CNTNAP5: variants seen among roughly 807,000 people sequenced by gnomAD.
The protein encoded by CNTNAP5 is contactin associated protein family member 5.
CNTNAP5 carries 72 observed loss-of-function variants against 150.2 expected under a neutral mutation model. That is an observed-to-expected ratio of 0.48 (90% CI 0.40 to 0.58). CNTNAP5 has a LOEUF of 0.58. CNTNAP5 is among the 20% of genes least tolerant of loss of function. The pLI is 0.00. For synonymous variants in CNTNAP5, 672 were observed against 619.8 expected (o/e 1.08, Z -1.25); for missense variants, 1,636 against 1,626.2 (o/e 1.01, Z -0.10).
chr2:124,047,499 A>G (rs1360875747), intron 1 of CNTNAP5, among the ~76,000 whole-genome samples: 1 of 152,244 alleles, frequency 6.6e-6, no homozygotes, highest in Non-Finnish European at 1.5e-5. Flanking sequence ...TGACCTGCAT[A>G]TTGTGTATAA....
chr2:124,297,926 C>A (rs1398406121), intron 3 of CNTNAP5, among the ~76,000 whole-genome samples: 8 of 151,486 alleles, frequency 5.3e-5, no homozygotes, highest in Non-Finnish European at 1.0e-4. Flanking sequence ...CTCACTGCAA[C>A]CTCCGCCTCC....
At chr2:124,627,923 A>C (rs1385753681) in intron 12 of CNTNAP5, among the ~76,000 whole-genome samples, 2 of 152,202 alleles carry the variant, frequency 1.3e-5, no homozygotes, top group Non-Finnish European at 2.9e-5. Flanking sequence ...TAATGCAAAC[A>C]CAAGTATCAA....
chr2:124,173,945 C>A (rs1198479766), intron 1 of CNTNAP5, among the ~76,000 whole-genome samples: 1 of 152,040 alleles, frequency 6.6e-6, no homozygotes, highest in Non-Finnish European at 1.5e-5. Flanking sequence ...AACATTGAAA[C>A]CAATGCTCAT....
intron 19 of CNTNAP5, among the ~76,000 whole-genome samples, chr2:124,807,032 G>T (rs765596498): frequency 1.3e-5 from 2 of 151,756 alleles, no homozygotes; most frequent in Non-Finnish European, 2.9e-5. Context: ...TCAGTGTGAA[G>T]AAGCTTTTCT....
At chr2:124,430,669 C>T (rs867967227) in intron 4 of CNTNAP5, among the ~76,000 whole-genome samples, 4 of 152,120 alleles carry the variant, frequency 2.6e-5, no homozygotes, top group African/African-American at 9.7e-5. Context: ...ACGTTAAAAA[C>T]TGTGTCAGGT....
At chr2:124,701,269 A>G (rs1679515476) in intron 13 of CNTNAP5, among the ~76,000 whole-genome samples, 1 of 152,116 alleles carries the variant, frequency 6.6e-6, no homozygotes, top group South Asian at 2.1e-4. Context: ...AAGTGAGATC[A>G]TGCAATAGTT....
intron 3 of CNTNAP5, among the ~76,000 whole-genome samples, chr2:124,285,529 G>A (rs1021641496): frequency 1.3e-5 from 2 of 152,042 alleles, no homozygotes; most frequent in African/African-American, 4.8e-5. Flanking sequence ...GCCTGGTGTG[G>A]TGGCTCACGC....
intron 13 of CNTNAP5, among the ~76,000 whole-genome samples, chr2:124,703,617 A>G (rs1468459110): frequency 6.6e-5 from 10 of 152,186 alleles, no homozygotes; most frequent in Admixed American, 6.5e-4. Flanking sequence ...TGCGATGGCT[A>G]GTTTGAATAT....
intron 1 of CNTNAP5, among the ~76,000 whole-genome samples, chr2:124,201,691 T>C (rs1685732843): frequency 6.6e-6 from 1 of 152,198 alleles, no homozygotes; most frequent in East Asian, 1.9e-4. Context: ...GGTGCCCCTG[T>C]TGTCTGGTTC....
chr2:124,217,891 G>A (rs534270480), intron 1 of CNTNAP5, among the ~76,000 whole-genome samples: 2 of 152,150 alleles, frequency 1.3e-5, no homozygotes, highest in African/African-American at 4.8e-5. Context: ...TTTGCAGACA[G>A]TGAAAATAAA....
In CNTNAP5 at chr2:124,080,973, G is replaced by C. The variant is rs76014712; in HGVS notation, c.82+55241G>C. On this transcript the variant is annotated intron_variant, in intron 1 of 23. Transcript: ENST00000682447. ...GGTGATTGAAGGATTCTAGTGATAA[G>C]TAGTCATTTGTCTCCAATAAAACTT... is the stretch of plus-strand genomic sequence containing the variant. 5.6e-4 allele frequency among the ~76,000 whole-genome samples: 86 copies of C among 152,258 alleles called. 2 individuals are homozygous for C. The East Asian group carries it at 0.013, about 23-fold the overall frequency.
chr2:124,751,202 T>C lies in CNTNAP5; in HGVS notation c.2234+3817T>C, dbSNP rs531083992. Among the ~76,000 whole-genome samples, 50 of 151,032 alleles carry C rather than the reference T, an allele frequency of 3.3e-4. 1 individual carries two copies. In the East Asian group the frequency reaches 8.8e-3, roughly 27 times the overall value. On this transcript the variant is annotated intron_variant, in intron 14 of 23. Transcript: ENST00000682447. Reference sequence around the variant, plus strand: ...CTAGTTAAATAAATAAACAAACTGGTGTACTACAAGTAGGGGTTGGGGGTA... The same window carrying C: ...CTAGTTAAATAAATAAACAAACTGGCGTACTACAAGTAGGGGTTGGGGGTA...
At chr2:124,891,573 G>T (rs1020773597) in intron 21 of CNTNAP5, among the ~76,000 whole-genome samples, 1 of 152,040 alleles carries the variant, frequency 6.6e-6, no homozygotes, top group African/African-American at 2.4e-5. Context: ...ATCTGTCCAA[G>T]GATACAATGT....
intron 21 of CNTNAP5, among the ~76,000 whole-genome samples, chr2:124,877,098 G>A (rs1209898605): frequency 2.0e-5 from 3 of 151,876 alleles, no homozygotes; most frequent in Non-Finnish European, 4.4e-5. Flanking sequence ...AGATGATTTA[G>A]TTTCTCCTCA....
chr2:124,079,697 G>GTGCGTGTGTATGAGCA (rs1329488159), intron 1 of CNTNAP5, among the ~76,000 whole-genome samples: 2 of 152,130 alleles, frequency 1.3e-5, no homozygotes, highest in African/African-American at 4.8e-5. Flanking sequence ...TCATGTGTAT[G>GTGCGTGTGTATGAGCA]TGCGTGTGTA....
intron 3 of CNTNAP5, among the ~76,000 whole-genome samples, chr2:124,280,230 C>G (rs188792831): frequency 7.2e-5 from 11 of 151,844 alleles, no homozygotes; most frequent in Non-Finnish European, 1.3e-4. Flanking sequence ...TGCAGTAGCA[C>G]GATCTCAGCT....
intron 1 of CNTNAP5, among the ~76,000 whole-genome samples, chr2:124,205,180 C>T (rs1268229604): frequency 6.6e-6 from 1 of 151,998 alleles, no homozygotes; most frequent in Admixed American, 6.6e-5. Context: ...GGAAGACACC[C>T]AGCAGGAAGT....
At chr2:124,171,258 C>T (rs1182602773) in intron 1 of CNTNAP5, among the ~76,000 whole-genome samples, 1 of 152,170 alleles carries the variant, frequency 6.6e-6, no homozygotes, top group Admixed American at 6.5e-5. Flanking sequence ...TCGTGTCCTT[C>T]AGCAAGGTCA....
intron 3 of CNTNAP5, among the ~76,000 whole-genome samples, chr2:124,329,615 A>G (rs1558853320): frequency 6.6e-6 from 1 of 152,140 alleles, no homozygotes; most frequent in Non-Finnish European, 1.5e-5. Context: ...TCAAAAACTA[A>G]GTTGGTGGCC....
Sources: allele counts gnomAD v4.1 joint callset (sites outside exome capture counted in the v4.1 genomes callset), GRCh38; gene constraint gnomAD v4.1.1; transcripts MANE v1.5; gene names NCBI Gene and HGNC (gene_info 2026-07-23, HGNC 2026-07-21).